STK3: variants seen among roughly 807,000 people sequenced by gnomAD.
The protein encoded by STK3 is serine/threonine kinase 3.
In STK3, 41 loss-of-function variants were observed where a neutral mutation model predicts 58.0. The ratio of observed to expected loss-of-function variants is 0.71; its 90% CI spans 0.55 to 0.92. The LOEUF (loss-of-function observed/expected upper bound fraction) is 0.92. STK3 is among the 40% of genes least tolerant of loss of function. The pLI, the probability that STK3 is intolerant of heterozygous loss-of-function variation, is 0.00. For missense variants in STK3, 479 were observed against 602.7 expected (o/e 0.79, Z 2.15); for synonymous variants, 170 against 191.0 (o/e 0.89, Z 0.91).
At chr8:98,670,651 T>C (rs1048479214) in intron 6 of STK3, among the ~76,000 whole-genome samples, 1 of 152,186 alleles carries the variant, frequency 6.6e-6, no homozygotes, top group South Asian at 2.1e-4. Flanking sequence ...TGGTTCTTTC[T>C]GAATAATGCT....
At chr8:98,454,292 C>G (rs913089279), downstream of STK3, among the ~76,000 whole-genome samples, 2 of 152,174 alleles carry the variant, frequency 1.3e-5, no homozygotes, top group Non-Finnish European at 2.9e-5. Context: ...GTGACTAATT[C>G]TGAATACTGG....
chr8:98,716,865 C>G (rs1470276208), intron 4 of STK3, among the ~76,000 whole-genome samples: 1 of 152,034 alleles, frequency 6.6e-6, no homozygotes, highest in East Asian at 1.9e-4. Flanking sequence ...AGAAATAACC[C>G]TTGTATATAT....
intron 10 of STK3, among the ~76,000 whole-genome samples, chr8:98,477,996 G>T (rs1821511584): frequency 6.6e-6 from 1 of 152,094 alleles, no homozygotes; most frequent in Admixed American, 6.5e-5. Flanking sequence ...CTAGAGTCTT[G>T]AGCATAGAGA....
At chr8:98,853,165 G>A (rs1252657600) in intron 3 of STK3, among the ~76,000 whole-genome samples, 1 of 151,874 alleles carries the variant, frequency 6.6e-6, no homozygotes, top group African/African-American at 2.4e-5. Context: ...TTTGGTATAG[G>A]GTATGACTTG....
rs1048768300 is a variant in STK3 at position 98,706,287 on chromosome 8, CAATT to C, written c.684+176_684+179del. 7.9e-5 allele frequency among the ~76,000 whole-genome samples: 12 copies of C among 152,230 alleles called. 1 individual carries two copies. The highest frequency in any genetic ancestry group is 2.6e-4 in the African/African-American group (11 of 41,542). On this transcript the variant is annotated intron_variant, in intron 6 of 10. Transcript: ENST00000419617. ...TACAAAGCCTTCAGTTCTTTTCTCA[CAATT>C]AAGAATGCAGAAGGAAGAGAAGTTA...
intron 1 of STK3, among the ~76,000 whole-genome samples, chr8:98,787,230 T>G (rs1237999457): frequency 2.4e-5 from 2 of 83,358 alleles, no homozygotes; most frequent in Admixed American, 1.1e-4. Flanking sequence ...ATGAAATAGA[T>G]AGCATAAATA....
chr8:98,429,163 T>A, intron 3 of STK3: 1 of 1,613,588 alleles, frequency 6.2e-7, no homozygotes. Flanking sequence ...TCTGCCTGCA[T>A]CTTGGCAGGC....
chr8:98,367,223 T>A (rs959621130), downstream of STK3, among the ~76,000 whole-genome samples: 13 of 152,236 alleles, frequency 8.5e-5, no homozygotes, highest in African/African-American at 3.1e-4. Flanking sequence ...TATTCAATAA[T>A]CATCAGCCAA....
At chr8:98,429,104 G>T (rs923271704) in intron 3 of STK3, 19 of 1,613,588 alleles carry the variant, frequency 1.2e-5, no homozygotes, top group Admixed American at 1.7e-5. Flanking sequence ...TGACCACAGT[G>T]GGGTACGGGG....
At chr8:98,654,174 T>C (rs1007960756) in intron 6 of STK3, among the ~76,000 whole-genome samples, 3 of 152,196 alleles carry the variant, frequency 2.0e-5, no homozygotes, top group Non-Finnish European at 4.4e-5. Flanking sequence ...CAAGGCTGGT[T>C]CGATATACAG....
At chr8:98,613,026 A>G (rs1161444572) in intron 6 of STK3, among the ~76,000 whole-genome samples, 1 of 152,200 alleles carries the variant, frequency 6.6e-6, no homozygotes, top group Non-Finnish European at 1.5e-5. Context: ...AAGTTAAATT[A>G]AGACTTTCAC....
chr8:98,925,521 G>A (rs1332471828), intron 1 of STK3, among the ~76,000 whole-genome samples: 1 of 152,200 alleles, frequency 6.6e-6, no homozygotes, highest in Admixed American at 6.5e-5. Context: ...AGGTAATAGA[G>A]ATGCCAAATC....
chr8:98,373,314 C>T (rs1308677155), intron 2 of STK3, among the ~76,000 whole-genome samples: 2 of 152,168 alleles, frequency 1.3e-5, no homozygotes, highest in African/African-American at 4.8e-5. Context: ...ATTCTAGATC[C>T]ACATTCTTTT....
intron 3 of STK3, among the ~76,000 whole-genome samples, chr8:98,840,604 T>TATAC (rs1177335725): frequency 2.3e-5 from 3 of 129,678 alleles, no homozygotes; most frequent in African/African-American, 9.1e-5. Context: ...TATATATATA[T>TATAC]ATATATATAT....
At chr8:98,579,956 T>C (rs1029071753) in intron 7 of STK3, among the ~76,000 whole-genome samples, 167 bp from the exon 8 acceptor site, 4 of 152,090 alleles carry the variant, frequency 2.6e-5, no homozygotes, top group Admixed American at 2.6e-4. Context: ...GGCCACTGCC[T>C]AGAAATAAAG....
At chr8:98,904,655 T>C in intron 1 of STK3, 1 of 634,766 alleles carries the variant, frequency 1.6e-6, no homozygotes, top group Admixed American at 1.9e-5. Flanking sequence ...CCGGGCCATG[T>C]CGTGTAGAGA....
At chr8:98,380,001 A>G (rs540170271) in intron 1 of STK3, among the ~76,000 whole-genome samples, 44 of 152,356 alleles carry the variant, frequency 2.9e-4, no homozygotes, top group African/African-American at 1.0e-3. Flanking sequence ...ATGGGACAAC[A>G]TGGATGAATC....
At chr8:98,418,731 C>T (rs906684674) in intron 3 of STK3, among the ~76,000 whole-genome samples, 2 of 152,086 alleles carry the variant, frequency 1.3e-5, no homozygotes, top group South Asian at 2.1e-4. Flanking sequence ...GGAGGAGGAG[C>T]GGGGTGGGTT....
intron 3 of STK3, among the ~76,000 whole-genome samples, chr8:98,750,560 G>C (rs1008939969): frequency 6.6e-6 from 1 of 151,478 alleles, no homozygotes. Flanking sequence ...TCTCAGTACA[G>C]CCTTTAAAAT....
Sources: allele counts gnomAD v4.1 joint callset (sites outside exome capture counted in the v4.1 genomes callset), GRCh38; gene constraint gnomAD v4.1.1; transcripts MANE v1.5; gene names NCBI Gene and HGNC (gene_info 2026-07-23, HGNC 2026-07-21).